Variants in ATXN10 observed in about 807,000 individuals in gnomAD.
ATXN10 encodes the protein ataxin 10, also known as ataxin-10.
In ATXN10, 28 loss-of-function variants were observed where a neutral mutation model predicts 52.9. That is an observed-to-expected ratio of 0.53 (90% CI 0.39 to 0.73). ATXN10 has a LOEUF of 0.73. ATXN10 is among the 30% of genes least tolerant of loss of function. The probability of loss-of-function intolerance (pLI) is 0.00; values close to 1 mark genes in which losing one functional copy is unlikely to be tolerated. For synonymous variants in ATXN10, 226 were observed against 221.5 expected (o/e 1.02, Z -0.18); for missense variants, 565 against 577.0 (o/e 0.98, Z 0.21).
chr22:45,729,040 G>A (rs1437143546), intron 6 of ATXN10, among the ~76,000 whole-genome samples: 2 of 152,204 alleles, frequency 1.3e-5, no homozygotes, highest in Admixed American at 6.5e-5. Flanking sequence ...GTGATACAAT[G>A]TGTGTAACAT....
intron 6 of ATXN10, among the ~76,000 whole-genome samples, chr22:45,722,315 G>T (rs1924684827): frequency 6.6e-6 from 1 of 152,162 alleles, no homozygotes; most frequent in Non-Finnish European, 1.5e-5. Context: ...GTGTCTGGTA[G>T]GGAGACCCGT....
chr22:45,731,150 G>T (rs1288096017), intron 7 of ATXN10, among the ~76,000 whole-genome samples: 1 of 152,058 alleles, frequency 6.6e-6, no homozygotes, highest in Admixed American at 6.6e-5. Flanking sequence ...TCTTTCTCTG[G>T]ACCACTCAGC....
At chr22:45,771,720 G>A (rs1926786544) in intron 9 of ATXN10, among the ~76,000 whole-genome samples, 1 of 152,044 alleles carries the variant, frequency 6.6e-6, no homozygotes, top group South Asian at 2.1e-4. Context: ...CCCGGCCTGA[G>A]TCTTTGGTGA....
In ATXN10 at chr22:45,781,472, G is replaced by A. The variant is rs367918700; in HGVS notation, c.1174-25487G>A. Among the ~76,000 whole-genome samples the A allele has an allele frequency of 6.6e-6, 1 of 152,192 alleles. No individual in the cohort carries two copies. The highest frequency in any genetic ancestry group is 1.5e-5 in the Non-Finnish European group (1 of 68,032). Reference sequence around the variant, plus strand: ...AGTAGTGAGCTGCTCTGCCTTCCACGTGCTGTTGTTGAACGAGCTCTGCTA... The same window carrying A: ...AGTAGTGAGCTGCTCTGCCTTCCACATGCTGTTGTTGAACGAGCTCTGCTA... On this transcript the variant is annotated intron_variant, in intron 9 of 11. Transcript: ENST00000252934. The surrounding 1 kb of genome is among the most constrained non-coding windows in gnomAD (Gnocchi z 4.2).
At chr22:45,720,798 C>G (rs1364459627) in intron 6 of ATXN10, among the ~76,000 whole-genome samples, 1 of 152,168 alleles carries the variant, frequency 6.6e-6, no homozygotes. Context: ...GCTGCCATAA[C>G]AGAGTCCTGG....
At chr22:45,785,656 A>G (rs1420658411) in intron 9 of ATXN10, among the ~76,000 whole-genome samples, 1 of 152,208 alleles carries the variant, frequency 6.6e-6, no homozygotes, top group African/African-American at 2.4e-5. Flanking sequence ...CTAAGTTCAC[A>G]TGGCTGAGCA....
chr22:45,733,062 A>G lies in ATXN10; in HGVS notation c.894+3472A>G, dbSNP rs1925150469. 6.6e-6 allele frequency among the ~76,000 whole-genome samples: 1 copy of G among 152,140 alleles called. No homozygotes were observed. Among genetic ancestry groups the G allele is most frequent in the Non-Finnish European group, 1.5e-5 (1 of 68,020 alleles). On this transcript the variant is annotated intron_variant, in intron 7 of 11. Coordinates refer to ENST00000252934, the MANE Select transcript of ATXN10 (RefSeq NM_013236.4). The surrounding 1 kb of genome is among the most constrained non-coding windows in gnomAD (Gnocchi z 4.4). Reference sequence around the variant, plus strand: ...ATTCCTGTCTTTTGATATATTTTGTATACTTGTTTCCAGTTTTTGATATAT... The same window carrying G: ...ATTCCTGTCTTTTGATATATTTTGTGTACTTGTTTCCAGTTTTTGATATAT...
At chr22:45,695,400 A>G (rs1281120475) in intron 3 of ATXN10, among the ~76,000 whole-genome samples, 2 of 152,062 alleles carry the variant, frequency 1.3e-5, no homozygotes, top group Non-Finnish European at 2.9e-5. Context: ...TTAAATGAGA[A>G]GTCTCCAGTT....
chr22:45,685,060 G>A lies in ATXN10; in HGVS notation c.117-4652G>A, dbSNP rs550708114. Among the ~76,000 whole-genome samples the A allele has an allele frequency of 2.7e-5, 4 of 150,382 alleles. No individual in the cohort carries two copies. In the South Asian group the frequency reaches 8.5e-4, roughly 32 times the overall value. The stretch of plus-strand genomic sequence containing the variant: ...AATAAATCTTTTAACAAGTATGAAG[G>A]TCTTAGTTGTAGCATTACAATGACT... On this transcript the variant is annotated intron_variant, in intron 1 of 11. Transcript: ENST00000252934.
At chr22:45,713,093 A>T (rs1319354502) in intron 5 of ATXN10, among the ~76,000 whole-genome samples, 1 of 151,904 alleles carries the variant, frequency 6.6e-6, no homozygotes, top group Non-Finnish European at 1.5e-5. Flanking sequence ...TAAAAAAAAA[A>T]TTTCCCTGAA....
At position 45,825,334 on chromosome 22, in the gene ATXN10, T is replaced by G. The variant is rs1199116048; in HGVS notation, c.1238-17657T>G. 1.3e-5 allele frequency among the ~76,000 whole-genome samples: 2 copies of G among 152,298 alleles called. No homozygotes were observed. Among genetic ancestry groups the G allele is most frequent in the East Asian group, 3.9e-4 (2 of 5,188 alleles). ...TTTTCCCTCTTCCCTTTATTTTTCT[T>G]TTGCATCTTTTGGGAACCAGGCATT... On this transcript the variant is annotated intron_variant, in intron 10 of 11. Coordinates refer to ENST00000252934, the MANE Select transcript of ATXN10 (RefSeq NM_013236.4). The surrounding 1 kb of genome is among the most constrained non-coding windows in gnomAD (Gnocchi z 4.5).
At chr22:45,751,763 A>AAAAAAAAAAAAAAAAATAATAAT in intron 9 of ATXN10, among the ~76,000 whole-genome samples, 9 of 66,614 alleles carry the variant, frequency 1.4e-4, no homozygotes, top group South Asian at 3.8e-4. Context: ...AATAAAAAAA[A>AAAAAAAAAAAAAAAAATAATAAT]AATAATAATA....
chr22:45,689,651 T>G, intron 1 of ATXN10, 61 bp from the exon 2 acceptor site: 2 of 1,508,498 alleles, frequency 1.3e-6, no homozygotes, highest in Middle Eastern at 3.6e-4. Context: ...GTTTTCTGAA[T>G]AGGACATTTG....
In ATXN10 at chr22:45,732,378, AAGCCCAG is replaced by A. The variant is rs1425033554; in HGVS notation, c.894+2790_894+2796del. On this transcript the variant is annotated intron_variant, in intron 7 of 11. Coordinates refer to ENST00000252934, the MANE Select transcript of ATXN10 (RefSeq NM_013236.4). This position sits in a 1 kb window ranked among gnomAD's most constrained non-coding sequence, Gnocchi z 4.5. Reference sequence around the variant, plus strand: ...TGAGGCTGAGGTGGGAGGCTTGCCTAAGCCCAGAAGATTGAGGCTGCAGTGAGCTGTG... The same window carrying A: ...TGAGGCTGAGGTGGGAGGCTTGCCTAAAGATTGAGGCTGCAGTGAGCTGTG... Among the ~76,000 whole-genome samples the A allele has an allele frequency of 6.6e-6, 1 of 151,988 alleles. No homozygotes were observed. Among genetic ancestry groups the A allele is most frequent in the Non-Finnish European group, 1.5e-5 (1 of 67,966 alleles).
At position 45,775,846 on chromosome 22, in the gene ATXN10, C is replaced by T. The variant is rs2146846911; in HGVS notation, c.1174-31113C>T. On this transcript the variant is annotated intron_variant, in intron 9 of 11. Coordinates refer to ENST00000252934, the MANE Select transcript of ATXN10 (RefSeq NM_013236.4). This position sits in a 1 kb window ranked among gnomAD's most constrained non-coding sequence, Gnocchi z 4.7. ...GCCTCTAACCTGATAGATCATTCCG[C>T]CCCTCACAGCCAGCCGGGAGGTAAC... 6.6e-6 allele frequency among the ~76,000 whole-genome samples: 1 copy of T among 151,900 alleles called. No individual in the cohort carries two copies. Among genetic ancestry groups the T allele is most frequent in the Non-Finnish European group, 1.5e-5 (1 of 68,028 alleles).
chr22:45,753,721 A>G (rs921373804), intron 9 of ATXN10, among the ~76,000 whole-genome samples: 1 of 151,858 alleles, frequency 6.6e-6, no homozygotes, highest in Non-Finnish European at 1.5e-5. Flanking sequence ...TTTTATATTA[A>G]TATAATTTCT....
chr22:45,780,086 CTTT>C lies in ATXN10; in HGVS notation c.1174-26860_1174-26858del, dbSNP rs135993. Among the ~76,000 whole-genome samples the C allele has an allele frequency of 1.3e-4, 18 of 138,586 alleles. No individual in the cohort carries two copies. The highest frequency in any genetic ancestry group is 1.4e-4 in the Admixed American group (2 of 14,106). 90.9% of individuals were successfully genotyped at this position (138,586 alleles called of 152,430 possible). A position where few individuals can be genotyped will look rare whatever the true frequency, so the allele number is the denominator to read the frequency against. The stretch of plus-strand genomic sequence containing the variant: ...CAAACAAAAAGGCAGACTGCATCAT[CTTT>C]TTTTTTTTTTTTGAGACGGAGTCTC... On this transcript the variant is annotated intron_variant, in intron 9 of 11. Coordinates refer to ENST00000252934, the MANE Select transcript of ATXN10 (RefSeq NM_013236.4). The surrounding 1 kb of genome is among the most constrained non-coding windows in gnomAD (Gnocchi z 4.0).
chr22:45,702,709 A>G lies in ATXN10; in HGVS notation c.509A>G (p.Asp170Gly). ...GGAAGGTCTTGCTTAAATCATCCGG[A>G]CAAAAAAATTGTTGCCTACTCTTCA... The part of the protein sequence containing the change: ...ELFLSCLNHP[D>G]KKIVAYSSMI... The change falls in exon 5 of 12, where the codon GAC (aspartate) becomes GGC (glycine). Residue 170 changes from aspartate (D) to glycine (G), a missense_variant. Coordinates refer to ENST00000252934, the MANE Select transcript of ATXN10 (RefSeq NM_013236.4). 1 of 1,613,960 alleles carries G rather than the reference A, an allele frequency of 6.2e-7. No homozygotes were observed.
rs966133765 is a variant in ATXN10 at position 45,769,941 on chromosome 22, G to T, written c.1173+29403G>T. ...AATTAAATGTTACCACAAGTATTTT[G>T]TCACTCTATAAATACAGTTCTAAAT... On this transcript the variant is annotated intron_variant, in intron 9 of 11. Coordinates refer to ENST00000252934, the MANE Select transcript of ATXN10 (RefSeq NM_013236.4). This position sits in a 1 kb window ranked among gnomAD's most constrained non-coding sequence, Gnocchi z 4.2. Among the ~76,000 whole-genome samples, 3 of 152,202 alleles carry T rather than the reference G, an allele frequency of 2.0e-5. No individual in the cohort carries two copies. Among genetic ancestry groups the T allele is most frequent in the African/African-American group, 7.2e-5 (3 of 41,452 alleles).
Sources: gnomAD v4.1 joint callset for allele counts (sites outside exome capture counted in the v4.1 genomes callset) on GRCh38, gnomAD v4.1.1 for gene constraint, Gnocchi (gnomAD v3.1) non-coding constraint, MANE v1.5 for transcripts, NCBI Gene and HGNC (gene_info 2026-07-23, HGNC 2026-07-21) for gene names.